The following SSX2IP variants were observed in gnomAD, a reference collection of about 807,000 sequenced individuals.
SSX2IP encodes SSX family member 2 interacting protein, also known as afadin- and alpha-actinin-binding protein.
In SSX2IP, 55 loss-of-function variants were observed where a neutral mutation model predicts 84.9. The ratio of observed to expected loss-of-function variants is 0.65; its 90% CI spans 0.52 to 0.81. SSX2IP has a LOEUF of 0.81. SSX2IP is among the 30% of genes least tolerant of loss of function. SSX2IP has a pLI of 0.00. For synonymous variants in SSX2IP, 239 were observed against 234.7 expected, an observed-to-expected ratio of 1.02 and a Z score of -0.17; for missense variants, 664 against 705.2, an observed-to-expected ratio of 0.94 and a Z score of 0.66.
At chr1:84,670,544 A>G in intron 3 of SSX2IP, 102 bp downstream of exon 3, 5 of 822,924 alleles carry the variant, frequency 6.1e-6, no homozygotes, top group Non-Finnish European at 9.0e-6. Flanking sequence ...GGGGCACTAC[A>G]TAAACAACAA....
chr1:84,653,411 TAA>T (rs1350991813), intron 11 of SSX2IP, among the ~76,000 whole-genome samples: 2 of 152,162 alleles, frequency 1.3e-5, no homozygotes, highest in Non-Finnish European at 2.9e-5. Flanking sequence ...TGATGAATCC[TAA>T]ACTAAATTCT....
At chr1:84,653,496 G>A (rs146459742) in intron 11 of SSX2IP, among the ~76,000 whole-genome samples, 2 of 152,302 alleles carry the variant, frequency 1.3e-5, no homozygotes, top group Admixed American at 6.5e-5. Flanking sequence ...ACCAGACGGA[G>A]AAAAATTCTC....
rs554062726 is a variant in SSX2IP, at chr1:84,662,578, C to T, written c.674-48G>A. 456 of 1,591,334 alleles carry T rather than the reference C, an allele frequency of 2.9e-4. 1 individual carries two copies. In the South Asian group the frequency reaches 4.6e-3, roughly 16 times the overall value. On this transcript the variant is annotated intron_variant, in intron 6 of 13. Transcript: ENST00000342203. The stretch of plus-strand genomic sequence containing the variant: ...TTAATTCTTACCATACATGCTTAAG[C>T]ATCTAAAACTCTAATGCATTCTATA...
At position 84,658,194 on chromosome 1, in the gene SSX2IP, C is replaced by A. The variant is rs1017826800; in HGVS notation, c.1078+124G>T. 5.0e-5 allele frequency: 52 copies of A among 1,037,594 alleles called. No homozygotes were observed. The African/African-American group carries it at 5.9e-4, about 12-fold the overall frequency. 64.3% of individuals were successfully genotyped at this position (1,037,594 alleles called of 1,614,324 possible). On this transcript the variant is annotated intron_variant, in intron 9 of 13. Coordinates refer to ENST00000342203, the MANE Select transcript of SSX2IP (RefSeq NM_001166293.2). ...ATAAATGTATGCAAAATCTTGCTTT[C>A]AAACCACCAAACTGAAGTATAGTAC...
At chr1:84,660,437 C>A (rs1300818019) in intron 8 of SSX2IP, among the ~76,000 whole-genome samples, 2 of 152,086 alleles carry the variant, frequency 1.3e-5, no homozygotes, top group African/African-American at 4.8e-5. Context: ...ACTATGCTAA[C>A]CTTGAAGAAG....
chr1:84,653,402 G>A (rs1434927124), intron 11 of SSX2IP, among the ~76,000 whole-genome samples: 1 of 152,132 alleles, frequency 6.6e-6, no homozygotes, highest in Admixed American at 6.5e-5. Context: ...CTGAATAGCT[G>A]ATGAATCCTA....
At chr1:84,681,001 A>T (rs1479887157) in intron 1 of SSX2IP, among the ~76,000 whole-genome samples, 1 of 151,740 alleles carries the variant, frequency 6.6e-6, no homozygotes, top group African/African-American at 2.4e-5. Context: ...GTGATAAAAA[A>T]TGCATAAAAT....
Position 84,650,398 on chromosome 1 carries a change from T to A in SSX2IP, c.1634A>T (p.Asp545Val). 6.2e-7 allele frequency: 1 copy of A among 1,614,164 alleles called. No homozygotes were observed. Among genetic ancestry groups the A allele is most frequent in the African/African-American group, 1.3e-5 (1 of 75,028 alleles). The change falls in exon 13 of 14, where the codon GAC becomes GTC. Residue 545 changes from aspartate to valine, a missense_variant. Coordinates refer to ENST00000342203, the MANE Select transcript of SSX2IP (RefSeq NM_001166293.2). The part of the protein sequence containing the change: ...KSLPASPSTS[D>V]FCQTRSCISE... Reference sequence around the variant, plus strand: ...TATGCAGGAACGTGTCTGGCAAAAGTCTGAAGTGGAAGGTGAAGCAGGAAG... The same window carrying A: ...TATGCAGGAACGTGTCTGGCAAAAGACTGAAGTGGAAGGTGAAGCAGGAAG...
At chr1:84,685,819 T>C (rs1178671806) in intron 1 of SSX2IP, among the ~76,000 whole-genome samples, 1 of 152,212 alleles carries the variant, frequency 6.6e-6, no homozygotes, top group East Asian at 1.9e-4. Flanking sequence ...CAGGGGGATA[T>C]TCCTGAAATT....
intron 4 of SSX2IP, among the ~76,000 whole-genome samples, chr1:84,668,165 G>A (rs957119847): frequency 2.6e-5 from 4 of 152,074 alleles, no homozygotes; most frequent in African/African-American, 7.2e-5. Context: ...TCTCTGCTCT[G>A]GGTAGTCCTA....
rs1425053425 is a variant in SSX2IP at position 84,644,001 on chromosome 1, A to T, written c.*3432T>A. 1 of 152,234 alleles carries T rather than the reference A, an allele frequency of 6.6e-6. No individual in the cohort carries two copies. Among genetic ancestry groups the T allele is most frequent in the Non-Finnish European group, 1.5e-5 (1 of 68,044 alleles). 9.4% of individuals were successfully genotyped at this position (152,234 alleles called of 1,614,324 possible). Reference sequence around the variant, plus strand: ...ACACTGTATTTAGAAAAAGGATTAGAGTGAGCAATTTCATTATCCTTATCT... The same window carrying T: ...ACACTGTATTTAGAAAAAGGATTAGTGTGAGCAATTTCATTATCCTTATCT... On this transcript the variant is annotated 3_prime_UTR_variant, in exon 14 of 14. Coordinates refer to ENST00000342203, the MANE Select transcript of SSX2IP (RefSeq NM_001166293.2).
chr1:84,662,704 C>A lies in SSX2IP; in HGVS notation c.674-174G>T, dbSNP rs550102850. Among the ~76,000 whole-genome samples, 288 of 152,242 alleles carry A rather than the reference C, an allele frequency of 1.9e-3. 1 individual carries two copies. Among genetic ancestry groups the A allele is most frequent in the African/African-American group, 6.4e-3 (267 of 41,546 alleles). ...TTCCACCACTTGTAAGCAATGAGAT[C>A]TCGGCACATTATTTAACTGCTTAGC... is the stretch of plus-strand genomic sequence containing the variant. On this transcript the variant is annotated intron_variant, in intron 6 of 13. Coordinates refer to ENST00000342203, the MANE Select transcript of SSX2IP (RefSeq NM_001166293.2).
chr1:84,650,377 C>T lies in SSX2IP; in HGVS notation c.1655G>A (p.Cys552Tyr). 6.2e-7 allele frequency: 1 copy of T among 1,614,150 alleles called. No homozygotes were observed. Among genetic ancestry groups the T allele is most frequent in the Non-Finnish European group, 8.5e-7 (1 of 1,180,020 alleles). ...STSDFCQTRS[C>Y]ISEHSSINVL... ...AGACAAATACCTATGTTCAGATATGCAGGAACGTGTCTGGCAAAAGTCTGA... is the reference window on the plus strand; with the variant it reads ...AGACAAATACCTATGTTCAGATATGTAGGAACGTGTCTGGCAAAAGTCTGA... The change falls in exon 13 of 14, where the codon TGC (cysteine) becomes TAC (tyrosine). Residue 552 changes from cysteine (C) to tyrosine (Y), a missense_variant. Transcript: ENST00000342203.
At chr1:84,669,991 A>G (rs898900626) in intron 3 of SSX2IP, 98 bp from the exon 4 acceptor site, 1 of 811,896 alleles carries the variant, frequency 1.2e-6, no homozygotes, top group Non-Finnish European at 1.9e-6. Context: ...TAAGTTTAAT[A>G]GATCTATTGT....
chr1:84,675,442 A>G (rs920066889), intron 1 of SSX2IP, among the ~76,000 whole-genome samples: 3 of 152,236 alleles, frequency 2.0e-5, no homozygotes, highest in Middle Eastern at 3.2e-3. Flanking sequence ...CACTAAGCCA[A>G]AGGGAAAAGT....
intron 10 of SSX2IP, 133 bp from the exon 11 acceptor site, chr1:84,656,138 AG>A: frequency 9.9e-7 from 1 of 1,007,096 alleles, no homozygotes; most frequent in South Asian, 1.7e-5. Flanking sequence ...AAGTCAAATG[AG>A]AATTCTCATT....
intron 13 of SSX2IP, among the ~76,000 whole-genome samples, chr1:84,649,216 T>G (rs1649874343): frequency 6.6e-6 from 1 of 152,144 alleles, no homozygotes; most frequent in South Asian, 2.1e-4. Context: ...TGAACCTGAG[T>G]CATAGGTACA....
chr1:84,650,462 T>C lies in SSX2IP; in HGVS notation c.1570A>G (p.Asn524Asp), dbSNP rs1460434551. The C allele has an allele frequency of 6.2e-6, 10 of 1,614,044 alleles. No homozygotes were observed. The East Asian group carries it at 2.0e-4, about 32-fold the overall frequency. ...QPQKKPHSVS[N>D]GSPVCMSKLT... Reference sequence around the variant, plus strand: ...TTAGACATGCAAACTGGAGACCCATTAGACACACTGTGAGGCTTCTTTTGC... The same window carrying C: ...TTAGACATGCAAACTGGAGACCCATCAGACACACTGTGAGGCTTCTTTTGC... Residue 524 changes from asparagine (N) to aspartate (D), a missense_variant, in exon 13 of 14, where the codon AAT becomes GAT. By Grantham distance (23) the Asn-to-Asp change is conservative. Coordinates refer to ENST00000342203, the MANE Select transcript of SSX2IP (RefSeq NM_001166293.2).
At position 84,650,412 on chromosome 1, in the gene SSX2IP, T is replaced by C. The variant is rs746936607; in HGVS notation, c.1620A>G (p.Ser540=). ...MSKLTKSLPA[S]PSTSDFCQTR... ...TCTGGCAAAAGTCTGAAGTGGAAGG[T>C]GAAGCAGGAAGAGATTTAGTAAGTT... Residue 540 remains serine, a synonymous_variant, in exon 13 of 14, where the codon TCA becomes TCG. Coordinates refer to ENST00000342203, the MANE Select transcript of SSX2IP (RefSeq NM_001166293.2). The C allele has an allele frequency of 1.2e-6, 2 of 1,614,014 alleles. No homozygotes were observed. Among genetic ancestry groups the C allele is most frequent in the Non-Finnish European group, 1.7e-6 (2 of 1,180,040 alleles).
Sources: allele counts gnomAD v4.1 joint callset (sites outside exome capture counted in the v4.1 genomes callset), GRCh38; gene constraint gnomAD v4.1.1; transcripts MANE v1.5; gene names NCBI Gene and HGNC (gene_info 2026-07-23, HGNC 2026-07-21).